Variants in EPHX4 observed in about 807,000 individuals in gnomAD.
The protein encoded by EPHX4 is abhydrolase domain containing 7.
In EPHX4, 31 loss-of-function variants were observed where a neutral mutation model predicts 44.9. The ratio of observed to expected loss-of-function variants is 0.69; its 90% confidence interval spans 0.52 to 0.93. The LOEUF is 0.93. Ranked by LOEUF, EPHX4 falls within the 40% of genes least tolerant of loss-of-function variation. The pLI is 0.00. For missense variants in EPHX4, 373 were observed against 438.1 expected, an observed-to-expected ratio of 0.85 and a Z score of 1.33; for synonymous variants, 151 against 159.7, an observed-to-expected ratio of 0.95 and a Z score of 0.41.
At chr1:92,036,836 G>C (rs918688380) in intron 2 of EPHX4, among the ~76,000 whole-genome samples, 2 of 152,030 alleles carry the variant, frequency 1.3e-5, no homozygotes, top group Admixed American at 6.6e-5. Flanking sequence ...GATATCTCTG[G>C]AGTCATACTC....
intron 6 of EPHX4, among the ~76,000 whole-genome samples, chr1:92,057,624 G>C (rs549541024): frequency 6.6e-6 from 1 of 151,764 alleles, no homozygotes; most frequent in Admixed American, 6.6e-5. Flanking sequence ...TTTTGAGACG[G>C]AGTCTTGCTC....
At chr1:92,063,013 C>T (rs763192036) in intron 6 of EPHX4, 42 bp from the exon 7 acceptor site, 10 of 1,542,480 alleles carry the variant, frequency 6.5e-6, no homozygotes, top group Non-Finnish European at 8.9e-6. Context: ...GTCATTTTAA[C>T]TTTGACAGTG....
At chr1:92,051,446 T>C (rs1036143373) in intron 5 of EPHX4, among the ~76,000 whole-genome samples, 1 of 152,074 alleles carries the variant, frequency 6.6e-6, no homozygotes, top group African/African-American at 2.4e-5. Context: ...CCTTCTTTCT[T>C]TTTTTTCTAA....
At chr1:92,032,252 G>A (rs1217136312) in intron 1 of EPHX4, among the ~76,000 whole-genome samples, 2 of 152,136 alleles carry the variant, frequency 1.3e-5, no homozygotes, top group African/African-American at 4.8e-5. Flanking sequence ...TCAAGGGAGT[G>A]TTGACAAAGT....
chr1:92,062,225 G>A (rs1367988308), intron 6 of EPHX4, among the ~76,000 whole-genome samples: 2 of 151,996 alleles, frequency 1.3e-5, no homozygotes, highest in African/African-American at 4.8e-5. Context: ...AAGCTAAACA[G>A]TAACATATAA....
chr1:92,034,399 A>G (rs1688406892), intron 2 of EPHX4, among the ~76,000 whole-genome samples: 1 of 151,966 alleles, frequency 6.6e-6, no homozygotes, highest in Admixed American at 6.6e-5. Flanking sequence ...TAAACTAAAT[A>G]GGTCAAGAAA....
chr1:92,059,976 A>G (rs558884572), intron 6 of EPHX4, among the ~76,000 whole-genome samples: 4 of 151,900 alleles, frequency 2.6e-5, no homozygotes, highest in African/African-American at 9.7e-5. Flanking sequence ...ACCATCTCAA[A>G]GTGTTGGGAT....
chr1:92,044,165 A>G (rs1216569937), intron 3 of EPHX4, among the ~76,000 whole-genome samples: 2 of 152,228 alleles, frequency 1.3e-5, no homozygotes, highest in Middle Eastern at 3.2e-3. Context: ...CACTTTCTAC[A>G]GTAATCTAAT....
intron 6 of EPHX4, among the ~76,000 whole-genome samples, chr1:92,057,383 C>T (rs1647392723): frequency 6.6e-6 from 1 of 152,036 alleles, no homozygotes; most frequent in Non-Finnish European, 1.5e-5. Flanking sequence ...ATGTAACAGA[C>T]ATTAAGGTAT....
intron 6 of EPHX4, among the ~76,000 whole-genome samples, chr1:92,061,151 G>A (rs1005042266): frequency 6.6e-6 from 1 of 152,198 alleles, no homozygotes; most frequent in East Asian, 1.9e-4. Flanking sequence ...AAGTGCTGGG[G>A]CGTGTGAGCC....
chr1:92,032,628 C>T (rs560468967), intron 2 of EPHX4, 38 bp downstream of exon 2: 1 of 1,548,834 alleles, frequency 6.5e-7, no homozygotes, highest in Non-Finnish European at 8.9e-7. Context: ...TACATTAAAA[C>T]TTGGCTTATT....
intron 6 of EPHX4, among the ~76,000 whole-genome samples, chr1:92,061,220 C>T (rs11166042): frequency 0.79 from 120,680 of 152,116 alleles, 48,731 homozygotes; most frequent in East Asian, 0.97. Flanking sequence ...ATAAAATACA[C>T]TTTTCTATCA....
intron 2 of EPHX4, among the ~76,000 whole-genome samples, chr1:92,033,755 C>T (rs567794136): frequency 2.5e-4 from 38 of 152,070 alleles, no homozygotes; most frequent in African/African-American, 7.0e-4. Flanking sequence ...TATTTCTCAC[C>T]GTTCTGGAGA....
At chr1:92,059,021 AT>A (rs146617704) in intron 6 of EPHX4, among the ~76,000 whole-genome samples, 3,972 of 152,248 alleles carry the variant, frequency 0.026, 186 homozygotes, top group African/African-American at 0.091. Flanking sequence ...CTATCTGTTA[AT>A]CATATTACAG....
intron 3 of EPHX4, among the ~76,000 whole-genome samples, chr1:92,044,726 G>A (rs1688558823): frequency 6.6e-6 from 1 of 152,128 alleles, no homozygotes; most frequent in Non-Finnish European, 1.5e-5. Flanking sequence ...AGTTAGGGAA[G>A]AGATAGATGC....
intron 3 of EPHX4, chr1:92,043,822 C>T (rs971429076): frequency 3.3e-5 from 5 of 152,168 alleles, no homozygotes; most frequent in African/African-American, 9.7e-5. Flanking sequence ...GAGTGGCTGC[C>T]TGAGGGAAGC....
intron 4 of EPHX4, among the ~76,000 whole-genome samples, chr1:92,049,338 C>G (rs925181642): frequency 5.9e-5 from 9 of 152,134 alleles, no homozygotes; most frequent in East Asian, 1.9e-4. Flanking sequence ...GCCTTCTTGA[C>G]TACTTCTACT....
intron 2 of EPHX4, among the ~76,000 whole-genome samples, chr1:92,037,620 G>A (rs989855577): frequency 1.3e-5 from 2 of 152,102 alleles, no homozygotes; most frequent in Admixed American, 6.6e-5. Flanking sequence ...CGAGTGAGGG[G>A]CCTTCATCAT....
At chr1:92,057,042 AT>A (rs1383901800) in intron 6 of EPHX4, among the ~76,000 whole-genome samples, 1 of 152,166 alleles carries the variant, frequency 6.6e-6, no homozygotes, top group Non-Finnish European at 1.5e-5. Context: ...AGTTAAAACA[AT>A]ACTTAAGAAG....
Sources: gnomAD v4.1 joint callset for allele counts (sites outside exome capture counted in the v4.1 genomes callset) on GRCh38, gnomAD v4.1.1 for gene constraint, MANE v1.5 for transcripts, NCBI Gene and HGNC (gene_info 2026-07-23, HGNC 2026-07-21) for gene names.